Variants in DRAM1 observed in about 807,000 individuals in gnomAD.
The protein encoded by DRAM1 is DNA damage regulated autophagy modulator 1, also known as DNA damage-regulated autophagy modulator protein 1.
DRAM1 carries 25 observed loss-of-function variants against 28.5 expected under a neutral mutation model. The ratio of observed to expected loss-of-function variants is 0.88; its 90% confidence interval spans 0.64 to 1.23. The LOEUF (loss-of-function observed/expected upper bound fraction) is 1.23, where lower values mean the gene tolerates loss of function less well. Ranked by LOEUF, DRAM1 falls within the 50% of genes most tolerant of loss-of-function variation. The pLI is 0.00. For synonymous variants in DRAM1, 113 were observed against 114.2 expected, an observed-to-expected ratio of 0.99 and a Z score of 0.07; for missense variants, 249 against 299.2, an observed-to-expected ratio of 0.83 and a Z score of 1.24.
chr12:101,899,530 T>C (rs1484290876), intron 2 of DRAM1, among the ~76,000 whole-genome samples: 1 of 151,784 alleles, frequency 6.6e-6, no homozygotes, highest in East Asian at 1.9e-4. Context: ...AAAAAAGAAG[T>C]TAGCTGGGTG....
intron 2 of DRAM1, among the ~76,000 whole-genome samples, chr12:101,898,823 C>G (rs547959184): frequency 2.0e-5 from 3 of 152,296 alleles, no homozygotes; most frequent in East Asian, 1.9e-4. Flanking sequence ...TATGATTTTT[C>G]TTTTCAGTTC....
intron 1 of DRAM1, among the ~76,000 whole-genome samples, chr12:101,884,648 T>C (rs1872816755): frequency 6.6e-6 from 1 of 152,218 alleles, no homozygotes; most frequent in African/African-American, 2.4e-5. Context: ...GTGGGATAGA[T>C]TGTGGCCTTT....
chr12:101,877,873 G>C lies in DRAM1; in HGVS notation c.84G>C (p.Val28=). ...WSSAAFIISY[V]VAVLSGHVNP... Reference sequence around the variant, plus strand: ...CAGCCGCCTTCATTATCTCCTACGTGGTCGCCGTGCTCTCCGGGCACGTCA... The same window carrying C: ...CAGCCGCCTTCATTATCTCCTACGTCGTCGCCGTGCTCTCCGGGCACGTCA... The change falls in exon 1 of 7, where the codon GTG becomes GTC. Residue 28 remains valine, a synonymous_variant. Coordinates refer to ENST00000258534, the MANE Select transcript of DRAM1 (RefSeq NM_018370.3). The surrounding 1 kb of genome is among the most constrained non-coding windows in gnomAD (Gnocchi z 4.1). The C allele has an allele frequency of 3.9e-6, 6 of 1,544,770 alleles. No individual in the cohort carries two copies. Among genetic ancestry groups the C allele is most frequent in the Non-Finnish European group, 5.2e-6 (6 of 1,143,188 alleles).
intron 3 of DRAM1, among the ~76,000 whole-genome samples, chr12:101,907,469 G>A (rs752951397): frequency 4.6e-5 from 7 of 151,952 alleles, no homozygotes; most frequent in East Asian, 3.9e-4. Flanking sequence ...GGTTGGGTGC[G>A]GTGGCTCACG....
chr12:101,897,857 T>G lies in DRAM1; in HGVS notation c.132-6T>G. ...TAATAATTTGGACATTTCTTCCCTT[T>G]GCCAGTGATACGGGAACAACACCTC... On this transcript the variant is annotated splice_polypyrimidine_tract_variant and splice_region_variant and intron_variant, in intron 1 of 6. Transcript: ENST00000258534. 2 of 1,603,598 alleles carry G rather than the reference T, an allele frequency of 1.2e-6. No individual in the cohort carries two copies. The highest frequency in any genetic ancestry group is 1.7e-6 in the Non-Finnish European group (2 of 1,172,032).
At chr12:101,899,210 C>G (rs1873500371) in intron 2 of DRAM1, among the ~76,000 whole-genome samples, 1 of 152,134 alleles carries the variant, frequency 6.6e-6, no homozygotes. Flanking sequence ...TGGAGGTGAG[C>G]AAGGGGAAGT....
chr12:101,904,569 G>GT (rs1198582085), intron 3 of DRAM1, among the ~76,000 whole-genome samples: 1 of 149,364 alleles, frequency 6.7e-6, no homozygotes, highest in Non-Finnish European at 1.5e-5. Flanking sequence ...AGCCTCCCAA[G>GT]TAGCTGGGAC....
intron 1 of DRAM1, among the ~76,000 whole-genome samples, chr12:101,884,481 A>T (rs1872810836): frequency 6.6e-6 from 1 of 151,700 alleles, no homozygotes; most frequent in Non-Finnish European, 1.5e-5. Flanking sequence ...TTTCCAGCTG[A>T]TAGATCACTG....
chr12:101,914,742 T>G (rs1874169089), intron 5 of DRAM1, among the ~76,000 whole-genome samples: 1 of 150,748 alleles, frequency 6.6e-6, no homozygotes, highest in Admixed American at 6.6e-5. Flanking sequence ...ACTGCAACCT[T>G]TGCCTCCTGG....
intron 1 of DRAM1, among the ~76,000 whole-genome samples, chr12:101,892,617 G>C (rs931033165): frequency 6.6e-6 from 1 of 151,980 alleles, no homozygotes; most frequent in Non-Finnish European, 1.5e-5. Context: ...GTTTTGAAAC[G>C]TTCACATTTT....
chr12:101,877,776 G>A lies in DRAM1; in HGVS notation c.-14G>A. 1 of 1,484,500 alleles carries A rather than the reference G, an allele frequency of 6.7e-7. No individual in the cohort carries two copies. Among genetic ancestry groups the A allele is most frequent in the Non-Finnish European group, 9.0e-7 (1 of 1,113,596 alleles). 92.0% of individuals were successfully genotyped at this position (1,484,500 alleles called of 1,614,324 possible). A position where few individuals can be genotyped will look rare whatever the true frequency, so the allele number is the denominator to read the frequency against. On this transcript the variant is annotated 5_prime_UTR_variant, in exon 1 of 7. Transcript: ENST00000258534. This position sits in a 1 kb window ranked among gnomAD's most constrained non-coding sequence, Gnocchi z 4.1. ...CGCTGGGCGCAGCACTCCGTCGGCG[G>A]CGGCGGCGGCGCGATGCTGTGCTTC...
rs894583875 is a variant in DRAM1 at position 101,921,067 on chromosome 12, C to T, written c.673-149C>T. 4.5e-6 allele frequency: 3 copies of T among 661,824 alleles called. No individual in the cohort carries two copies. The Admixed American group carries it at 8.6e-5, about 19-fold the overall frequency. 41.0% of individuals were successfully genotyped at this position (661,824 alleles called of 1,614,324 possible). A position where few individuals can be genotyped will look rare whatever the true frequency, so the allele number is the denominator to read the frequency against. On this transcript the variant is annotated intron_variant, in intron 6 of 6. Transcript: ENST00000258534. The stretch of plus-strand genomic sequence containing the variant: ...TTATTAGCTCAAAGGATATAGAAAG[C>T]CAAGAAAATTCTTTAGGACCTGACT...
intron 2 of DRAM1, among the ~76,000 whole-genome samples, chr12:101,899,236 G>C (rs961014799): frequency 7.9e-5 from 12 of 152,184 alleles, no homozygotes; most frequent in African/African-American, 2.4e-4. Context: ...TATGGAGTCA[G>C]TCAATCCCAG....
At chr12:101,893,288 C>T (rs974881582) in intron 1 of DRAM1, among the ~76,000 whole-genome samples, 8 of 152,210 alleles carry the variant, frequency 5.3e-5, no homozygotes, top group African/African-American at 1.9e-4. Flanking sequence ...GTTCAGTGAC[C>T]TGCCGTTTGG....
chr12:101,915,105 G>T (rs950132399), intron 5 of DRAM1, among the ~76,000 whole-genome samples: 3 of 151,698 alleles, frequency 2.0e-5, no homozygotes, highest in African/African-American at 7.3e-5. Context: ...TCAGCCTCCT[G>T]AGTAGCTGGG....
rs932787025 is a variant in DRAM1 at position 101,877,761 on chromosome 12, A to C, written c.-29A>C. 1 of 1,466,408 alleles carries C rather than the reference A, an allele frequency of 6.8e-7. No homozygotes were observed. The allele number at this position is 1,466,408 out of a possible 1,614,324, so 90.8% of individuals were successfully genotyped here. A position where few individuals can be genotyped will look rare whatever the true frequency, so the allele number is the denominator to read the frequency against. ...CCCGGCGCCCGGCCCCGCTGGGCGC[A>C]GCACTCCGTCGGCGGCGGCGGCGGC... is the stretch of plus-strand genomic sequence containing the variant. On this transcript the variant is annotated 5_prime_UTR_variant, in exon 1 of 7. Coordinates refer to ENST00000258534, the MANE Select transcript of DRAM1 (RefSeq NM_018370.3). This position sits in a 1 kb window ranked among gnomAD's most constrained non-coding sequence, Gnocchi z 4.1.
intron 3 of DRAM1, among the ~76,000 whole-genome samples, chr12:101,906,747 C>T (rs549849928): frequency 1.9e-4 from 29 of 150,072 alleles, no homozygotes; most frequent in Admixed American, 7.4e-4. Context: ...CCCAACTACT[C>T]GGGAGGCTGG....
At chr12:101,918,771 G>A (rs1473203960) in intron 5 of DRAM1, among the ~76,000 whole-genome samples, 1 of 152,120 alleles carries the variant, frequency 6.6e-6, no homozygotes, top group Non-Finnish European at 1.5e-5. Context: ...TAGGGAGTTA[G>A]GGGTAGTTGC....
Position 101,920,214 on chromosome 12 carries a change from C to T in DRAM1, c.672+13C>T. The stretch of plus-strand genomic sequence containing the variant: ...CCAAGATTTCCAGGTAGGTGTTTAT[C>T]AATTCAAATGTTTTAAATTGCGGAC... On this transcript the variant is annotated intron_variant, in intron 6 of 6. Coordinates refer to ENST00000258534, the MANE Select transcript of DRAM1 (RefSeq NM_018370.3). 6.3e-7 allele frequency: 1 copy of T among 1,575,530 alleles called. No individual in the cohort carries two copies. Among genetic ancestry groups the T allele is most frequent in the Non-Finnish European group, 8.7e-7 (1 of 1,152,668 alleles).
Sources: allele counts gnomAD v4.1 joint callset (sites outside exome capture counted in the v4.1 genomes callset), GRCh38; gene constraint gnomAD v4.1.1; non-coding constraint Gnocchi (gnomAD v3.1); transcripts MANE v1.5; gene names NCBI Gene and HGNC (gene_info 2026-07-23, HGNC 2026-07-21).